The following BCAS3 variants were observed in gnomAD, a reference collection of about 807,000 sequenced individuals.
BCAS3 encodes BCAS4/BCAS3 fusion.
In BCAS3, 53 loss-of-function variants were observed where a neutral mutation model predicts 116.1. That is an observed-to-expected ratio of 0.46 (90% CI 0.37 to 0.57). The LOEUF is 0.57. Ranked by LOEUF, BCAS3 falls within the 20% of genes least tolerant of loss-of-function variation. The pLI, the probability that BCAS3 is intolerant of heterozygous loss-of-function variation, is 0.00. For missense variants in BCAS3, 917 were observed against 1,165.4 expected (o/e 0.79, Z 3.10); for synonymous variants, 391 against 408.2 (o/e 0.96, Z 0.51).
At chr17:61,253,867 C>T (rs1019474010) in intron 22 of BCAS3, among the ~76,000 whole-genome samples, 11 of 152,032 alleles carry the variant, frequency 7.2e-5, no homozygotes, top group African/African-American at 2.4e-4. Flanking sequence ...TGGGGGAAAA[C>T]TGAAGCGCAG....
intron 19 of BCAS3, chr17:61,070,366 A>AATATATATATATATATATTTAT (rs2071250206): frequency 3.2e-6 from 1 of 309,334 alleles, no homozygotes; most frequent in Non-Finnish European, 6.6e-6. Context: ...CCTAATTCTG[A>AATATATATATATATATATTTAT]ATATATATAT....
intron 6 of BCAS3, among the ~76,000 whole-genome samples, chr17:60,772,026 G>A (rs951102496): frequency 1.3e-5 from 2 of 152,146 alleles, no homozygotes; most frequent in Non-Finnish European, 2.9e-5. Flanking sequence ...ACGTGTGCAT[G>A]TGTCTTTATA....
chr17:60,782,664 C>T lies in BCAS3; in HGVS notation c.404-25340C>T, dbSNP rs190534613. Among the ~76,000 whole-genome samples the T allele has an allele frequency of 3.6e-3, 549 of 151,710 alleles. 3 individuals are homozygous for T. Among genetic ancestry groups the T allele is most frequent in the African/African-American group, 0.013 (521 of 41,346 alleles). On this transcript the variant is annotated intron_variant, in intron 6 of 23. Coordinates refer to ENST00000407086, the MANE Select transcript of BCAS3 (RefSeq NM_017679.5). ...GCAGTGGTGTGATCTTGGCTCACTG[C>T]AGCCTCTGCCTCTCAGGTTCTAGCA...
At position 61,228,405 on chromosome 17, in the gene BCAS3, A is replaced by G. The variant is rs915048753; in HGVS notation, c.2426-139922A>G. Among the ~76,000 whole-genome samples the G allele has an allele frequency of 2.0e-5, 3 of 152,242 alleles. No individual in the cohort carries two copies. The highest frequency in any genetic ancestry group is 4.4e-5 in the Non-Finnish European group (3 of 68,048). On this transcript the variant is annotated intron_variant, in intron 22 of 23. Coordinates refer to ENST00000407086, the MANE Select transcript of BCAS3 (RefSeq NM_017679.5). The surrounding 1 kb of genome is among the most constrained non-coding windows in gnomAD (Gnocchi z 5.0). ...TATTTTAAAAGGATTTAAAAGCACTAAAGTATAGGCACACCTCATTTTACT... is the reference window on the plus strand; with the variant it reads ...TATTTTAAAAGGATTTAAAAGCACTGAAGTATAGGCACACCTCATTTTACT...
rs1374704014 is a variant in BCAS3 at position 61,300,231 on chromosome 17, G to T, written c.2426-68096G>T. ...AGAAAGATGTCACTTGCCACATACA[G>T]TCCCAGTTGGTTTCACTGTCCCGAG... On this transcript the variant is annotated intron_variant, in intron 22 of 23. Transcript: ENST00000407086. This position sits in a 1 kb window ranked among gnomAD's most constrained non-coding sequence, Gnocchi z 5.1. Among the ~76,000 whole-genome samples, 1 of 152,186 alleles carries T rather than the reference G, an allele frequency of 6.6e-6. No individual in the cohort carries two copies. The highest frequency in any genetic ancestry group is 1.9e-4 in the East Asian group (1 of 5,192).
chr17:60,927,217 T>A (rs2059404037), intron 13 of BCAS3, among the ~76,000 whole-genome samples: 1 of 151,844 alleles, frequency 6.6e-6, no homozygotes. Context: ...TTTTAAATTC[T>A]TTTATTTATT....
intron 10 of BCAS3, among the ~76,000 whole-genome samples, chr17:60,894,660 GCT>G (rs1373921367): frequency 2.0e-5 from 3 of 152,140 alleles, no homozygotes; most frequent in Admixed American, 6.5e-5. Flanking sequence ...TAGAGGAAAG[GCT>G]TTTAAATTTT....
chr17:60,711,863 G>A (rs940317446), intron 5 of BCAS3, among the ~76,000 whole-genome samples: 2 of 151,598 alleles, frequency 1.3e-5, no homozygotes, highest in African/African-American at 4.8e-5. Flanking sequence ...GACTAACCTG[G>A]GCAGCACAGT....
rs1346805525 is a variant in BCAS3 at position 61,020,713 on chromosome 17, G to T, written c.1637+4812G>T. Among the ~76,000 whole-genome samples, 2 of 152,110 alleles carry T rather than the reference G, an allele frequency of 1.3e-5. No homozygotes were observed. Among genetic ancestry groups the T allele is most frequent in the Non-Finnish European group, 2.9e-5 (2 of 68,018 alleles). On this transcript the variant is annotated intron_variant, in intron 16 of 23. Transcript: ENST00000407086. The surrounding 1 kb of genome is among the most constrained non-coding windows in gnomAD (Gnocchi z 4.5). Reference sequence around the variant, plus strand: ...AGATGTTTGGCATTATCAAGTGAGTGATCAAGTTTTAAAAAATATTTTCTA... The same window carrying T: ...AGATGTTTGGCATTATCAAGTGAGTTATCAAGTTTTAAAAAATATTTTCTA...
Position 61,249,066 on chromosome 17 carries a change from C to A in BCAS3, c.2426-119261C>A, listed in dbSNP as rs1290919415. On this transcript the variant is annotated intron_variant, in intron 22 of 23. Transcript: ENST00000407086. The surrounding 1 kb of genome is among the most constrained non-coding windows in gnomAD (Gnocchi z 6.2). ...TTTGGGAGGCCGAGGCAGGTAGATC[C>A]CCTGAGGTGAGGAGTTTGAGACCAG... Among the ~76,000 whole-genome samples the A allele has an allele frequency of 6.6e-6, 1 of 151,954 alleles. No homozygotes were observed.
At chr17:61,232,997 G>A (rs986277660) in intron 22 of BCAS3, among the ~76,000 whole-genome samples, 6 of 152,270 alleles carry the variant, frequency 3.9e-5, no homozygotes, top group South Asian at 2.1e-4. Flanking sequence ...ACCATGTGCC[G>A]AAGTGTTTGT....
At chr17:60,823,726 T>C (rs1415209208) in intron 7 of BCAS3, among the ~76,000 whole-genome samples, 1 of 152,204 alleles carries the variant, frequency 6.6e-6, no homozygotes, top group African/African-American at 2.4e-5. Context: ...GTTTGAGAAA[T>C]GTAAATTGTA....
At chr17:61,005,719 T>A (rs1473857818) in intron 15 of BCAS3, among the ~76,000 whole-genome samples, 6 of 151,708 alleles carry the variant, frequency 4.0e-5, no homozygotes, top group Non-Finnish European at 7.4e-5. Context: ...TACATCATTT[T>A]GATTTTTAGG....
At chr17:60,727,118 G>T in intron 5 of BCAS3, 1 of 447,626 alleles carries the variant, frequency 2.2e-6, no homozygotes, top group Non-Finnish European at 4.1e-6. Context: ...ATTTTTCTAT[G>T]GCTTCAACAT....
intron 22 of BCAS3, among the ~76,000 whole-genome samples, chr17:61,255,414 A>G (rs764333822): frequency 8.5e-5 from 13 of 152,124 alleles, no homozygotes; most frequent in Non-Finnish European, 1.6e-4. Flanking sequence ...TCCACATCAC[A>G]CTTTCCTACA....
At chr17:61,070,139 C>G in intron 19 of BCAS3, 1 of 1,570,438 alleles carries the variant, frequency 6.4e-7, no homozygotes, top group Non-Finnish European at 8.7e-7. Flanking sequence ...ATGAAGAAGA[C>G]AGAAGACAAC....
At chr17:60,980,006 CT>C (rs1220079036) in intron 14 of BCAS3, among the ~76,000 whole-genome samples, 1 of 152,036 alleles carries the variant, frequency 6.6e-6, no homozygotes, top group Non-Finnish European at 1.5e-5. Flanking sequence ...TGATGCTGGC[CT>C]CATAAAATGA....
At chr17:60,782,717 C>G (rs1306265007) in intron 6 of BCAS3, among the ~76,000 whole-genome samples, 2 of 151,818 alleles carry the variant, frequency 1.3e-5, no homozygotes, top group Non-Finnish European at 2.9e-5. Flanking sequence ...TCCAGAGTAG[C>G]TGGGGCTACA....
chr17:60,704,301 C>G (rs73332392), intron 4 of BCAS3, among the ~76,000 whole-genome samples: 10,661 of 151,868 alleles, frequency 0.07, 1,248 homozygotes, highest in African/African-American at 0.24. Flanking sequence ...CCGGAATTAA[C>G]GCCAGGAAGG....
Sources: gnomAD v4.1 joint callset for allele counts (sites outside exome capture counted in the v4.1 genomes callset) on GRCh38, gnomAD v4.1.1 for gene constraint, Gnocchi (gnomAD v3.1) non-coding constraint, MANE v1.5 for transcripts, NCBI Gene and HGNC (gene_info 2026-07-23, HGNC 2026-07-21) for gene names.